Variants in TAF4B observed in about 807,000 individuals in gnomAD.
TAF4B encodes transcription initiation factor TFIID subunit 4B.
TAF4B carries 38 observed loss-of-function variants against 86.4 expected under a neutral mutation model. The ratio of observed to expected loss-of-function variants is 0.44; its 90% confidence interval spans 0.34 to 0.58. The LOEUF (loss-of-function observed/expected upper bound fraction) is 0.58, where lower values mean the gene tolerates loss of function less well. Among genes scored for constraint, TAF4B ranks in the 20% least tolerant of loss-of-function variants. The pLI, the probability that TAF4B is intolerant of heterozygous loss-of-function variation, is 0.02. For missense variants in TAF4B, 988 were observed against 1,027.6 expected, an observed-to-expected ratio of 0.96 and a Z score of 0.53; for synonymous variants, 388 against 391.2, an observed-to-expected ratio of 0.99 and a Z score of 0.10.
chr18:26,369,024 T>G (rs2057389884), intron 14 of TAF4B, among the ~76,000 whole-genome samples: 1 of 152,162 alleles, frequency 6.6e-6, no homozygotes. Context: ...TTCAAACTAG[T>G]GACTAGAGGC....
chr18:26,344,987 C>T (rs1475986343), intron 13 of TAF4B, among the ~76,000 whole-genome samples: 5 of 152,174 alleles, frequency 3.3e-5, no homozygotes, highest in Admixed American at 2.6e-4. Flanking sequence ...CCCCTGTTGC[C>T]ACCACAAACG....
chr18:26,359,909 A>G (rs1230508989), intron 14 of TAF4B, among the ~76,000 whole-genome samples: 2 of 148,926 alleles, frequency 1.3e-5, no homozygotes, highest in South Asian at 4.3e-4. Flanking sequence ...GTAGAGACGG[A>G]GTTTTGCCAT....
intron 7 of TAF4B, among the ~76,000 whole-genome samples, chr18:26,287,694 C>T (rs188850668): frequency 5.9e-5 from 9 of 152,268 alleles, no homozygotes; most frequent in East Asian, 3.9e-4. Flanking sequence ...TTGCATTAGA[C>T]GCTGTGTTTT....
At chr18:26,314,778 G>C (rs2144663588) in intron 9 of TAF4B, among the ~76,000 whole-genome samples, 1 of 152,234 alleles carries the variant, frequency 6.6e-6, no homozygotes, top group Non-Finnish European at 1.5e-5. Flanking sequence ...TAACCATCTT[G>C]GATGAAAAGA....
chr18:26,230,737 G>T (rs1236908232), intron 1 of TAF4B, among the ~76,000 whole-genome samples: 2 of 152,006 alleles, frequency 1.3e-5, no homozygotes, highest in Non-Finnish European at 2.9e-5. Flanking sequence ...GGTCCTTTTT[G>T]ATTACAAGTC....
chr18:26,322,756 T>C (rs1370002644), intron 11 of TAF4B, among the ~76,000 whole-genome samples: 1 of 152,036 alleles, frequency 6.6e-6, no homozygotes, highest in Non-Finnish European at 1.5e-5. Flanking sequence ...CTCTAGTTTT[T>C]ATATTATTTT....
rs949250315 is a variant in TAF4B at position 26,292,226 on chromosome 18, G to A, written c.1591-20G>A. The A allele has an allele frequency of 3.7e-6, 6 of 1,610,736 alleles. No individual in the cohort carries two copies. In the Admixed American group the frequency reaches 1.0e-4, roughly 27 times the overall value. ...AAGCCTTAAGTTGAACAACTATATT[G>A]ATAGTTCTCATTGTTTCAGGTAGTT... On this transcript the variant is annotated intron_variant, in intron 7 of 14. Transcript: ENST00000269142.
intron 2 of TAF4B, 187 bp from the exon 3 acceptor site, chr18:26,267,329 G>A: frequency 2.4e-6 from 1 of 425,422 alleles, no homozygotes; most frequent in South Asian, 8.0e-5. Context: ...AATATGAAAT[G>A]AGTGTCATCT....
intron 1 of TAF4B, among the ~76,000 whole-genome samples, chr18:26,245,731 C>G (rs2055913739): frequency 6.6e-6 from 1 of 152,210 alleles, no homozygotes; most frequent in African/African-American, 2.4e-5. Flanking sequence ...ATTTTACAAT[C>G]CTCTTGTAAG....
chr18:26,325,199 T>C (rs1352407535), intron 11 of TAF4B, among the ~76,000 whole-genome samples: 1 of 152,234 alleles, frequency 6.6e-6, no homozygotes, highest in African/African-American at 2.4e-5. Flanking sequence ...TATGTTATAG[T>C]CGCCTATATG....
chr18:26,249,299 C>CA (rs2055968824), intron 1 of TAF4B, among the ~76,000 whole-genome samples: 1 of 151,994 alleles, frequency 6.6e-6, no homozygotes, highest in Non-Finnish European at 1.5e-5. Context: ...GCCAACATGG[C>CA]AAAACTCGGT....
intron 12 of TAF4B, among the ~76,000 whole-genome samples, chr18:26,332,649 C>A (rs2057059666): frequency 6.6e-6 from 1 of 152,086 alleles, no homozygotes; most frequent in Non-Finnish European, 1.5e-5. Context: ...CCTGCCTCAG[C>A]CTCCTAAGTA....
At chr18:26,340,957 A>G (rs889942888) in intron 13 of TAF4B, among the ~76,000 whole-genome samples, 20 of 152,174 alleles carry the variant, frequency 1.3e-4, no homozygotes, top group African/African-American at 4.8e-4. Context: ...CTTTAATGGT[A>G]GTATTTCTTT....
In TAF4B at chr18:26,278,465, C is replaced by T. The variant is rs796533549; in HGVS notation, c.882+3412C>T. Among the ~76,000 whole-genome samples the T allele has an allele frequency of 5.3e-5, 8 of 152,114 alleles. 1 individual carries two copies. Among genetic ancestry groups the T allele is most frequent in the African/African-American group, 1.9e-4 (8 of 41,502 alleles). On this transcript the variant is annotated intron_variant, in intron 5 of 14. Coordinates refer to ENST00000269142, the MANE Select transcript of TAF4B (RefSeq NM_005640.3). ...ACTAAGAGGTGTGTGCCACCATGCC[C>T]AGCTAGTTTTAAAATATTTTTTTGT...
intron 3 of TAF4B, among the ~76,000 whole-genome samples, chr18:26,270,520 G>A (rs2056299422): frequency 1.3e-5 from 2 of 152,046 alleles, no homozygotes; most frequent in Non-Finnish European, 2.9e-5. Context: ...TTACTCTGTT[G>A]CCCAGGCTGT....
chr18:26,322,759 A>G (rs1334789681), intron 11 of TAF4B, among the ~76,000 whole-genome samples: 1 of 151,304 alleles, frequency 6.6e-6, no homozygotes, highest in Non-Finnish European at 1.5e-5. Context: ...TAGTTTTTAT[A>G]TTATTTTCCT....
chr18:26,234,828 A>G (rs886724430), intron 1 of TAF4B, among the ~76,000 whole-genome samples: 8 of 152,206 alleles, frequency 5.3e-5, no homozygotes, highest in African/African-American at 7.2e-5. Flanking sequence ...AGCGCCTGGT[A>G]TCTAAGCAGG....
chr18:26,319,774 G>C (rs369729573), intron 10 of TAF4B, among the ~76,000 whole-genome samples: 21 of 152,178 alleles, frequency 1.4e-4, no homozygotes, highest in African/African-American at 4.8e-4. Context: ...GTATTTAGTA[G>C]AGACGGGGTT....
At chr18:26,322,945 T>A (rs1350110553) in intron 11 of TAF4B, among the ~76,000 whole-genome samples, 1 of 152,176 alleles carries the variant, frequency 6.6e-6, no homozygotes, top group Non-Finnish European at 1.5e-5. Context: ...GTCGTTTTCA[T>A]TTATCTTTAA....
Sources: gnomAD v4.1 joint callset for allele counts (sites outside exome capture counted in the v4.1 genomes callset) on GRCh38, gnomAD v4.1.1 for gene constraint, MANE v1.5 for transcripts, NCBI Gene and HGNC (gene_info 2026-07-23, HGNC 2026-07-21) for gene names.